Variants in SEMA5A observed in about 807,000 individuals in gnomAD.
The protein encoded by SEMA5A is semaphorin-5A.
SEMA5A carries 55 observed loss-of-function variants against 135.5 expected under a neutral mutation model. The observed-to-expected ratio is 0.41, with a 90% confidence interval of 0.33 to 0.51. The LOEUF (loss-of-function observed/expected upper bound fraction) is 0.51, where lower values mean the gene tolerates loss of function less well. SEMA5A is among the 20% of genes least tolerant of loss of function. The pLI is 0.37. For missense variants in SEMA5A, 1,290 were observed against 1,419.9 expected (o/e 0.91, Z 1.47); for synonymous variants, 580 against 546.5 (o/e 1.06, Z -0.85).
intron 1 of SEMA5A, among the ~76,000 whole-genome samples, chr5:9,471,182 T>C (rs569181387): frequency 7.9e-5 from 12 of 152,240 alleles, no homozygotes; most frequent in Admixed American, 5.2e-4. Context: ...CACATCCGTA[T>C]ATCACACACC....
intron 13 of SEMA5A, among the ~76,000 whole-genome samples, chr5:9,131,114 T>G (rs1741387237): frequency 6.6e-6 from 1 of 152,204 alleles, no homozygotes; most frequent in Non-Finnish European, 1.5e-5. Context: ...CATTTTGCAT[T>G]TCTGTAAAGG....
chr5:9,372,660 C>T (rs535192646), intron 3 of SEMA5A, among the ~76,000 whole-genome samples: 1 of 152,050 alleles, frequency 6.6e-6, no homozygotes, highest in South Asian at 2.1e-4. Context: ...ATGCATGGAG[C>T]CATGAGACAC....
chr5:9,346,892 A>ATATGTG (rs777037038), intron 3 of SEMA5A, among the ~76,000 whole-genome samples: 9 of 149,468 alleles, frequency 6.0e-5, no homozygotes, highest in African/African-American at 2.2e-4. Flanking sequence ...GTATATATAT[A>ATATGTG]TGTGTGTGTG....
chr5:9,229,169 A>G (rs1412581313), intron 6 of SEMA5A, among the ~76,000 whole-genome samples: 1 of 152,184 alleles, frequency 6.6e-6, no homozygotes, highest in Non-Finnish European at 1.5e-5. Context: ...AATAGTAACC[A>G]CTTATCATTG....
rs544197477 is a variant in SEMA5A at position 9,119,551 on chromosome 5, G to A, written c.1782-410C>T. Among the ~76,000 whole-genome samples, 481 of 152,218 alleles carry A rather than the reference G, an allele frequency of 3.2e-3. 2 individuals carry two copies. The highest frequency in any genetic ancestry group is 4.2e-3 in the Non-Finnish European group (288 of 68,016). ...GTATTATATCATTTATAATCTATGA[G>A]AAGTGCACCTTTGGACAAAATGCTC... is the stretch of plus-strand genomic sequence containing the variant. On this transcript the variant is annotated intron_variant, in intron 14 of 22. Transcript: ENST00000382496.
intron 5 of SEMA5A, among the ~76,000 whole-genome samples, chr5:9,291,551 G>A (rs1561114113): frequency 6.6e-6 from 1 of 151,778 alleles, no homozygotes; most frequent in Non-Finnish European, 1.5e-5. Context: ...TGGGCAAAAT[G>A]ACAAATGGAG....
chr5:9,483,342 G>A (rs759404518), intron 1 of SEMA5A, among the ~76,000 whole-genome samples: 33 of 151,866 alleles, frequency 2.2e-4, no homozygotes, highest in Non-Finnish European at 4.3e-4. Flanking sequence ...AAGATTTCTC[G>A]TCCTATCTGC....
chr5:9,158,912 T>C (rs2619922), intron 11 of SEMA5A, among the ~76,000 whole-genome samples: 83,660 of 151,750 alleles, frequency 0.55, 25,727 homozygotes, highest in Middle Eastern at 0.76. Flanking sequence ...AGGGATGTTA[T>C]ATTCTAGGGT....
Position 9,330,251 on chromosome 5 carries a change from G to T in SEMA5A, c.224+7462C>A, listed in dbSNP as rs1031152297. Among the ~76,000 whole-genome samples, 9 of 152,046 alleles carry T rather than the reference G, an allele frequency of 5.9e-5. No homozygotes were observed. In the South Asian group the frequency reaches 1.5e-3, roughly 25 times the overall value. On this transcript the variant is annotated intron_variant, in intron 4 of 22. Transcript: ENST00000382496. ...TAAAAATACAAAAAATTAGCCGGGCGTGGTAGCGGGCGCCTGTAGTCCCAG... is the reference window on the plus strand; with the variant it reads ...TAAAAATACAAAAAATTAGCCGGGCTTGGTAGCGGGCGCCTGTAGTCCCAG...
At chr5:9,233,647 C>T (rs985476055) in intron 6 of SEMA5A, among the ~76,000 whole-genome samples, 11 of 152,200 alleles carry the variant, frequency 7.2e-5, no homozygotes, top group African/African-American at 2.2e-4. Context: ...TCTCTTGACC[C>T]TAATTCCCTA....
intron 3 of SEMA5A, among the ~76,000 whole-genome samples, chr5:9,343,029 C>G (rs773453087): frequency 6.6e-5 from 10 of 152,192 alleles, no homozygotes; most frequent in South Asian, 6.2e-4. Context: ...CATTGATAGA[C>G]TGTTAAGCAA....
At chr5:9,418,928 G>C (rs1416302875) in intron 2 of SEMA5A, among the ~76,000 whole-genome samples, 1 of 152,162 alleles carries the variant, frequency 6.6e-6, no homozygotes, top group Non-Finnish European at 1.5e-5. Flanking sequence ...TTCTTTCCTA[G>C]TTCCTTTAGG....
chr5:9,135,513 T>A (rs73049424), intron 13 of SEMA5A, among the ~76,000 whole-genome samples: 1,841 of 152,094 alleles, frequency 0.012, 28 homozygotes, highest in African/African-American at 0.042. Context: ...AAGGACAGGC[T>A]TTATGAATAT....
At chr5:9,085,345 A>G (rs1305662221) in intron 16 of SEMA5A, among the ~76,000 whole-genome samples, 1 of 152,044 alleles carries the variant, frequency 6.6e-6, no homozygotes, top group Non-Finnish European at 1.5e-5. Flanking sequence ...AGCCCCTCTC[A>G]TTACAGGCCC....
rs1702666171 is a variant in SEMA5A at position 9,310,369 on chromosome 5, A to T, written c.270+8003T>A. On this transcript the variant is annotated intron_variant, in intron 5 of 22. Transcript: ENST00000382496. ...ACCTTTACTATGATCAACATACCTTAGTTGTTAACTCCTGAAAGATTTTAA... is the reference window on the plus strand; with the variant it reads ...ACCTTTACTATGATCAACATACCTTTGTTGTTAACTCCTGAAAGATTTTAA... Among the ~76,000 whole-genome samples the T allele has an allele frequency of 2.6e-5, 4 of 152,190 alleles. No homozygotes were observed. In the South Asian group the frequency reaches 8.3e-4, roughly 31 times the overall value.
intron 11 of SEMA5A, among the ~76,000 whole-genome samples, chr5:9,155,359 G>T (rs893108615): frequency 1.3e-5 from 2 of 151,444 alleles, no homozygotes; most frequent in Admixed American, 6.6e-5. Flanking sequence ...TGCTCCCTGG[G>T]TGTTTCTGTG....
intron 16 of SEMA5A, among the ~76,000 whole-genome samples, chr5:9,083,637 T>C (rs1738518540): frequency 6.6e-6 from 1 of 151,910 alleles, no homozygotes; most frequent in East Asian, 1.9e-4. Flanking sequence ...CATCCATCTT[T>C]CAGTTATCAC....
chr5:9,475,256 C>G (rs957792370), intron 1 of SEMA5A, among the ~76,000 whole-genome samples: 2 of 152,192 alleles, frequency 1.3e-5, no homozygotes, highest in African/African-American at 4.8e-5. Flanking sequence ...AATGTCATGG[C>G]CTCACAGAGG....
At chr5:9,236,057 T>C (rs1364741369) in intron 6 of SEMA5A, among the ~76,000 whole-genome samples, 1 of 152,162 alleles carries the variant, frequency 6.6e-6, no homozygotes, top group African/African-American at 2.4e-5. Context: ...TGAGACTTAT[T>C]CAGTATCATG....
Sources: allele counts gnomAD v4.1 joint callset (sites outside exome capture counted in the v4.1 genomes callset), GRCh38; gene constraint gnomAD v4.1.1; transcripts MANE v1.5; gene names NCBI Gene and HGNC (gene_info 2026-07-23, HGNC 2026-07-21).